The following PLPPR1 variants were observed in gnomAD, a reference collection of about 807,000 sequenced individuals.
The protein encoded by PLPPR1 is phospholipid phosphatase related 1.
A neutral mutation model predicts 33.1 loss-of-function variants in PLPPR1; 10 were observed. The observed-to-expected ratio is 0.30, with a 90% CI of 0.19 to 0.51. The LOEUF is 0.51. Among genes scored for constraint, PLPPR1 ranks in the 20% least tolerant of loss-of-function variants. PLPPR1 has a pLI of 0.97. For synonymous variants in PLPPR1, 151 were observed against 151.0 expected (o/e 1.00, Z 0.00); for missense variants, 304 against 408.1 (o/e 0.74, Z 2.20).
At chr9:101,271,087 C>T (rs1588105183) in intron 3 of PLPPR1, among the ~76,000 whole-genome samples, 1 of 152,136 alleles carries the variant, frequency 6.6e-6, no homozygotes. Context: ...TCATTTGGCT[C>T]ATTGACCCCA....
intron 2 of PLPPR1, among the ~76,000 whole-genome samples, chr9:101,186,420 A>G (rs1182582109): frequency 2.0e-5 from 3 of 151,758 alleles, no homozygotes; most frequent in African/African-American, 2.4e-5. Context: ...TAACTGAAGG[A>G]TAGTCTCCAC....
intron 1 of PLPPR1, among the ~76,000 whole-genome samples, chr9:101,060,170 C>T: frequency 6.6e-6 from 1 of 151,994 alleles, no homozygotes. Flanking sequence ...TCATTCGCAA[C>T]AAGATGGATG....
At chr9:101,164,462 G>A (rs1237459090) in intron 1 of PLPPR1, among the ~76,000 whole-genome samples, 2 of 151,290 alleles carry the variant, frequency 1.3e-5, no homozygotes, top group Non-Finnish European at 1.5e-5. Flanking sequence ...TCCCAGGTTC[G>A]GGTGATTCTT....
At chr9:101,286,561 G>A (rs990374152) in intron 4 of PLPPR1, among the ~76,000 whole-genome samples, 3 of 152,086 alleles carry the variant, frequency 2.0e-5, no homozygotes, top group Admixed American at 6.6e-5. Flanking sequence ...ATCAGGGGAC[G>A]CCAATAAAAT....
intron 2 of PLPPR1, among the ~76,000 whole-genome samples, chr9:101,235,168 C>G (rs1827274745): frequency 6.6e-6 from 1 of 151,840 alleles, no homozygotes; most frequent in Admixed American, 6.6e-5. Flanking sequence ...AAGTGCAGCT[C>G]TTTAGCTCAT....
At chr9:101,034,177 A>C (rs1342182464) in intron 1 of PLPPR1, among the ~76,000 whole-genome samples, 2 of 152,160 alleles carry the variant, frequency 1.3e-5, no homozygotes, top group Non-Finnish European at 2.9e-5. Flanking sequence ...AAAAGGGAGC[A>C]GATGGAACCA....
intron 2 of PLPPR1, among the ~76,000 whole-genome samples, chr9:101,256,692 A>G (rs1299688146): frequency 6.6e-6 from 1 of 152,142 alleles, no homozygotes; most frequent in Non-Finnish European, 1.5e-5. Context: ...TGTAGCAAAG[A>G]ACCTGATGTG....
intron 1 of PLPPR1, among the ~76,000 whole-genome samples, chr9:101,153,627 C>T (rs907857310): frequency 7.2e-5 from 11 of 152,114 alleles, no homozygotes; most frequent in African/African-American, 1.7e-4. Flanking sequence ...CATGCTGGAG[C>T]GCAGTGGCAC....
At chr9:101,144,329 G>A (rs576376509) in intron 1 of PLPPR1, among the ~76,000 whole-genome samples, 5 of 152,130 alleles carry the variant, frequency 3.3e-5, no homozygotes, top group African/African-American at 2.4e-5. Context: ...GAATTAATGG[G>A]TGCAGCACAC....
chr9:101,195,041 ATG>A (rs1248751501), intron 2 of PLPPR1, among the ~76,000 whole-genome samples: 1 of 152,216 alleles, frequency 6.6e-6, no homozygotes, highest in Non-Finnish European at 1.5e-5. Flanking sequence ...TGCCAGTCCC[ATG>A]TGTGTTGGTT....
intron 1 of PLPPR1, among the ~76,000 whole-genome samples, chr9:101,150,927 T>A (rs77099923): frequency 0.062 from 9,475 of 152,208 alleles, 983 homozygotes; most frequent in African/African-American, 0.22. Context: ...ACTTGAGTTC[T>A]GAGGCATACA....
intron 2 of PLPPR1, among the ~76,000 whole-genome samples, chr9:101,267,594 C>T (rs12347530): frequency 3.0e-4 from 46 of 152,158 alleles, no homozygotes; most frequent in African/African-American, 1.1e-3. Context: ...AGAAACAAGT[C>T]ATGTGTAAGG....
chr9:101,151,295 A>G (rs1317849595), intron 1 of PLPPR1, among the ~76,000 whole-genome samples: 1 of 152,158 alleles, frequency 6.6e-6, no homozygotes, highest in East Asian at 1.9e-4. Flanking sequence ...AATGTAGGAA[A>G]CTAAGTATAA....
At chr9:101,063,040 G>C (rs867194324) in intron 1 of PLPPR1, among the ~76,000 whole-genome samples, 1 of 152,008 alleles carries the variant, frequency 6.6e-6, no homozygotes, top group South Asian at 2.1e-4. Flanking sequence ...ATCACAAGGG[G>C]TGAGAAGCCT....
chr9:101,099,435 G>A (rs1830867664), intron 1 of PLPPR1, among the ~76,000 whole-genome samples: 2 of 151,744 alleles, frequency 1.3e-5, no homozygotes, highest in African/African-American at 4.8e-5. Flanking sequence ...AATTGTGGTG[G>A]GAAAAAAAAG....
chr9:101,060,109 A>G (rs1208972807), intron 1 of PLPPR1, among the ~76,000 whole-genome samples: 1 of 152,076 alleles, frequency 6.6e-6, no homozygotes, highest in African/African-American at 2.4e-5. Context: ...AAAATCAGTT[A>G]TATATACATG....
At chr9:101,119,036 C>T (rs1831147020) in intron 1 of PLPPR1, among the ~76,000 whole-genome samples, 1 of 152,156 alleles carries the variant, frequency 6.6e-6, no homozygotes, top group Non-Finnish European at 1.5e-5. Context: ...AGTTGCTTCT[C>T]TCCAATACTA....
At chr9:101,083,877 T>A (rs1312065086) in intron 1 of PLPPR1, among the ~76,000 whole-genome samples, 1 of 152,216 alleles carries the variant, frequency 6.6e-6, no homozygotes, top group Non-Finnish European at 1.5e-5. Flanking sequence ...ATAATTCTCA[T>A]GAGACCTCCA....
At chr9:101,176,316 A>G (rs1383729137) in intron 1 of PLPPR1, among the ~76,000 whole-genome samples, 2 of 152,164 alleles carry the variant, frequency 1.3e-5, no homozygotes, top group African/African-American at 2.4e-5. Context: ...ACAGAGGCCA[A>G]GTGGGGAGCC....
Sources: allele counts gnomAD v4.1 joint callset (sites outside exome capture counted in the v4.1 genomes callset), GRCh38; gene constraint gnomAD v4.1.1; transcripts MANE v1.5; gene names NCBI Gene and HGNC (gene_info 2026-07-23, HGNC 2026-07-21).